Variants in OSER1 observed in about 807,000 individuals in gnomAD.
The protein encoded by OSER1 is oxidative stress-responsive serine-rich protein 1.
A neutral mutation model predicts 26.3 loss-of-function variants in OSER1; 15 were observed. The ratio of observed to expected loss-of-function variants is 0.57; its 90% CI spans 0.38 to 0.88. OSER1 has a LOEUF of 0.88. Ranked by LOEUF, OSER1 falls within the 40% of genes least tolerant of loss-of-function variation. The pLI is 0.00. For missense variants in OSER1, 313 were observed against 353.9 expected (o/e 0.88, Z 0.93); for synonymous variants, 127 against 128.2 (o/e 0.99, Z 0.07).
In OSER1 at chr20:44,206,777, T is replaced by C. The variant is rs945934574; in HGVS notation, c.77+104A>G. ...GCACTATTAGCATTTATATCTTCTTTCAATAATGAGAAATATTAAAAGAGG... is the reference window on the plus strand; with the variant it reads ...GCACTATTAGCATTTATATCTTCTTCCAATAATGAGAAATATTAAAAGAGG... On this transcript the variant is annotated intron_variant, in intron 2 of 3. Coordinates refer to ENST00000255174, the MANE Select transcript of OSER1 (RefSeq NM_016470.8). The C allele has an allele frequency of 4.9e-6, 3 of 611,694 alleles. No homozygotes were observed. The African/African-American group carries it at 5.5e-5, about 11-fold the overall frequency. 37.9% of individuals were successfully genotyped at this position (611,694 alleles called of 1,614,324 possible). A position where few individuals can be genotyped will look rare whatever the true frequency, so the allele number is the denominator to read the frequency against.
chr20:44,201,402 C>T (rs141331455), intron 3 of OSER1, among the ~76,000 whole-genome samples: 81 of 152,172 alleles, frequency 5.3e-4, no homozygotes, highest in African/African-American at 1.9e-3. Flanking sequence ...TATTTAACAT[C>T]GGGGGCCCTT....
At chr20:44,205,246 C>T (rs1160610372) in intron 2 of OSER1, among the ~76,000 whole-genome samples, 1 of 152,174 alleles carries the variant, frequency 6.6e-6, no homozygotes, top group Non-Finnish European at 1.5e-5. Flanking sequence ...ATTGTGGGTA[C>T]ACATTCCTAG....
chr20:44,202,995 T>A lies in OSER1; in HGVS notation c.157A>T (p.Lys53Ter). The change falls in exon 3 of 4, where the codon AAA becomes TAA. Residue 53 changes from lysine to a stop codon, truncating the protein, a stop_gained. Transcript: ENST00000255174. LOFTEE classifies it high-confidence loss of function. Reference protein sequence around the residue: ...VRTATDDTKPKTTCASKDSWH... With the variant: ...VRTATDDTKP ...CTGTCTTTAGATGCACATGTGGTTT[T>A]AGGTTTGGTATCATCTGTTGCTGTT... 6.2e-7 allele frequency: 1 copy of A among 1,612,736 alleles called. No individual in the cohort carries two copies. The highest frequency in any genetic ancestry group is 8.5e-7 in the Non-Finnish European group (1 of 1,178,722).
At chr20:44,200,087 G>A (rs1047918966) in intron 3 of OSER1, among the ~76,000 whole-genome samples, 7 of 152,150 alleles carry the variant, frequency 4.6e-5, no homozygotes, top group African/African-American at 1.7e-4. Context: ...CTCCCTGCCC[G>A]CCTTCCTGGC....
At chr20:44,203,167 CATT>C (rs2073000860) in intron 2 of OSER1, 93 bp from the exon 3 acceptor site, 1 of 610,440 alleles carries the variant, frequency 1.6e-6, no homozygotes, top group Admixed American at 2.9e-5. Flanking sequence ...TTTATCAATA[CATT>C]TTTTTTTCTA....
chr20:44,205,848 G>C (rs892873498), intron 2 of OSER1, among the ~76,000 whole-genome samples: 9 of 151,116 alleles, frequency 6.0e-5, no homozygotes, highest in Non-Finnish European at 8.8e-5. Flanking sequence ...GCTGAGGCAG[G>C]AGAATGGCGT....
At position 44,203,696 on chromosome 20, in the gene OSER1, ACACAC is replaced by A. The variant is rs1569240140; in HGVS notation, c.78-627_78-623del. Reference sequence around the variant, plus strand: ...GTGGAAATCCTTCCAGACTTTTTTCACACACACACACACACACACACACACACACA... The same window carrying A: ...GTGGAAATCCTTCCAGACTTTTTTCAACACACACACACACACACACACACA... On this transcript the variant is annotated intron_variant, in intron 2 of 3. Transcript: ENST00000255174. Among the ~76,000 whole-genome samples the A allele has an allele frequency of 2.8e-3, 336 of 118,348 alleles. 1 individual carries two copies. The highest frequency in any genetic ancestry group is 0.013 in the Middle Eastern group (3 of 232). The allele number at this position is 118,348 out of a possible 152,430, so 77.6% of individuals were successfully genotyped here.
rs185005566 is a variant in OSER1, at chr20:44,203,205, A to G, written c.78-131T>C. On this transcript the variant is annotated intron_variant, in intron 2 of 3. Transcript: ENST00000255174. ...AGTTTGGGTTTCTCAAAAATTGCTC[A>G]GCTTTTAATGTAAATTTTCCTTCAA... 41 of 545,826 alleles carry G rather than the reference A, an allele frequency of 7.5e-5. No individual in the cohort carries two copies. In the Admixed American group the frequency reaches 1.2e-3, roughly 16 times the overall value. 33.8% of individuals were successfully genotyped at this position (545,826 alleles called of 1,614,324 possible). A position where few individuals can be genotyped will look rare whatever the true frequency, so the allele number is the denominator to read the frequency against.
chr20:44,199,359 C>T (rs935747986), intron 3 of OSER1, among the ~76,000 whole-genome samples: 2 of 152,186 alleles, frequency 1.3e-5, no homozygotes, highest in Admixed American at 6.5e-5. Context: ...CTACTTCTCA[C>T]GAGCCCCCTT....
chr20:44,206,789 A>T (rs1399835413), intron 2 of OSER1, 92 bp downstream of exon 2: 2 of 634,690 alleles, frequency 3.2e-6, no homozygotes, highest in East Asian at 2.8e-5. Flanking sequence ...AATAATGAGA[A>T]ATATTAAAAG....
At chr20:44,206,326 A>G (rs2073037422) in intron 2 of OSER1, among the ~76,000 whole-genome samples, 1 of 152,222 alleles carries the variant, frequency 6.6e-6, no homozygotes, top group Admixed American at 6.5e-5. Flanking sequence ...TCTTACACAG[A>G]ACATTTTGCA....
intron 2 of OSER1, among the ~76,000 whole-genome samples, chr20:44,203,688 CTT>C (rs35919776): frequency 5.4e-5 from 6 of 111,700 alleles, no homozygotes; most frequent in African/African-American, 1.7e-4. Context: ...TCCTTCCAGA[CTT>C]TTTTCACACA....
intron 3 of OSER1, among the ~76,000 whole-genome samples, chr20:44,199,706 A>G (rs1201098559): frequency 6.6e-6 from 1 of 152,226 alleles, no homozygotes; most frequent in African/African-American, 2.4e-5. Flanking sequence ...TTCAAATGTG[A>G]AAGTTACAGC....
At position 44,197,559 on chromosome 20, in the gene OSER1, T is replaced by C. The variant is rs768536425; in HGVS notation, c.372A>G (p.Ser124=). The change falls in exon 4 of 4, where the codon TCA becomes TCG. Residue 124 remains serine, a synonymous_variant. Coordinates refer to ENST00000255174, the MANE Select transcript of OSER1 (RefSeq NM_016470.8). ...SPDGSSGLGI[S]SPKEFSAGES... ...CTCCTGCACTGAACTCTTTAGGGGA[T>C]GAAATTCCCAGCCCACTGCTGCCAT... 3.1e-6 allele frequency: 5 copies of C among 1,614,048 alleles called. No homozygotes were observed.
chr20:44,210,285 C>T (rs747498885), intron 1 of OSER1, among the ~76,000 whole-genome samples: 1 of 151,982 alleles, frequency 6.6e-6, no homozygotes, highest in African/African-American at 2.4e-5. Context: ...GGAGTCGGAG[C>T]GAGGCACAAG....
intron 3 of OSER1, among the ~76,000 whole-genome samples, chr20:44,198,347 C>T (rs1350797548): frequency 2.0e-5 from 3 of 152,122 alleles, no homozygotes; most frequent in East Asian, 3.8e-4. Flanking sequence ...TAGCCAGGCG[C>T]GGTGGCTCAC....
At chr20:44,211,128 C>T (rs2073103631), upstream of OSER1, 1 of 152,414 alleles carries the variant, frequency 6.6e-6, no homozygotes, top group South Asian at 2.1e-4. Context: ...TCCACCGCCC[C>T]GGGATCTCCT....
At position 44,197,667 on chromosome 20, in the gene OSER1, A is replaced by T. The variant is rs1407298888; in HGVS notation, c.264T>A (p.His88Gln). ...RRRRSKSPVL[H>Q]PPKFIHCSTI... ...TACTGCAATGTATAAACTTTGGAGG[A>T]TGAAGGACAGGAGACTTAGAACGTC... Residue 88 changes from histidine (H) to glutamine (Q), a missense_variant, in exon 4 of 4, where the codon CAT becomes CAA. By Grantham distance (24) the His-to-Gln change is conservative. This residue lies in a region of OSER1 where 300 missense variants were observed against 318.3 expected (regional missense o/e 0.94). Transcript: ENST00000255174. 6.2e-7 allele frequency: 1 copy of T among 1,613,980 alleles called. No homozygotes were observed. Among genetic ancestry groups the T allele is most frequent in the Admixed American group, 1.7e-5 (1 of 60,008 alleles).
At chr20:44,203,865 G>GA (rs994229201) in intron 2 of OSER1, among the ~76,000 whole-genome samples, 4 of 151,646 alleles carry the variant, frequency 2.6e-5, no homozygotes, top group African/African-American at 7.3e-5. Flanking sequence ...ATATCTAATA[G>GA]AAAAAAAATA....
Sources: gnomAD v4.1 joint callset for allele counts (sites outside exome capture counted in the v4.1 genomes callset) on GRCh38, gnomAD v4.1.1 for gene constraint, gnomAD v4.1.1 regional missense constraint, MANE v1.5 for transcripts, NCBI Gene and HGNC (gene_info 2026-07-23, HGNC 2026-07-21) for gene names.